SYDE1: variants seen among roughly 807,000 people sequenced by gnomAD.
SYDE1 encodes rho GTPase-activating protein SYDE1.
Under a neutral mutation model 63.3 loss-of-function variants are expected in SYDE1, and 34 were observed. The ratio of observed to expected loss-of-function variants is 0.54; its 90% CI spans 0.41 to 0.71. The LOEUF is 0.71. SYDE1 is among the 30% of genes least tolerant of loss of function. The pLI, the probability that SYDE1 is intolerant of heterozygous loss-of-function variation, is 0.00. For synonymous variants in SYDE1, 467 were observed against 473.4 expected (o/e 0.99, Z 0.18); for missense variants, 925 against 1,042.5 (o/e 0.89, Z 1.55).
At chr19:15,112,314 G>T in intron 6 of SYDE1, 32 bp from the exon 7 acceptor site, 1 of 1,501,026 alleles carries the variant, frequency 6.7e-7, no homozygotes. Flanking sequence ...GCCTGACTTT[G>T]TCTGACTTAC....
intron 7 of SYDE1, 40 bp from the exon 8 acceptor site, chr19:15,113,520 G>C: frequency 6.6e-7 from 1 of 1,506,200 alleles, no homozygotes; most frequent in Non-Finnish European, 8.8e-7. Context: ...TCAGAGGTCG[G>C]CTGTCGCCTC....
At position 15,114,924 on chromosome 19, in the gene SYDE1, CTT is replaced by C. The variant is rs888513553; in HGVS notation, c.*962_*963del. On this transcript the variant is annotated 3_prime_UTR_variant, in exon 8 of 8. Transcript: ENST00000342784. The stretch of plus-strand genomic sequence containing the variant: ...GAGTACGGTTCCCTCCTGTCTCCCT[CTT>C]CTTTTCCGCACCTCCATCTTTGTGG... 7.6e-6 allele frequency: 3 copies of C among 395,858 alleles called. No individual in the cohort carries two copies. The Admixed American group carries it at 1.1e-4, about 15-fold the overall frequency. The allele number at this position is 395,858 out of a possible 1,614,324, so 24.5% of individuals were successfully genotyped here.
At position 15,110,295 on chromosome 19, in the gene SYDE1, G is replaced by A; in HGVS notation, c.1022G>A (p.Arg341Lys). The change falls in exon 3 of 8, where the codon AGA becomes AAA. Residue 341 changes from arginine to lysine, a missense_variant. Physicochemically the swap from Arg to Lys is conservative, Grantham distance 26. This residue lies in a region of SYDE1 where 599 missense variants were observed against 653.7 expected (regional missense o/e 0.92). Transcript: ENST00000342784. The surrounding 1 kb of genome is among the most constrained non-coding windows in gnomAD (Gnocchi z 6.9). ...GTGCTTGCGTGGGACCCTGGCGTGA[G>A]AAGGCACCGGCCCTGTGCCCAGGGC... ...ALVLAWDPGV[R>K]RHRPCAQGTV... The A allele has an allele frequency of 1.4e-6, 2 of 1,418,960 alleles. No homozygotes were observed. Among genetic ancestry groups the A allele is most frequent in the Non-Finnish European group, 1.8e-6 (2 of 1,088,768 alleles). The allele number at this position is 1,418,960 out of a possible 1,614,324, so 87.9% of individuals were successfully genotyped here. A position where few individuals can be genotyped will look rare whatever the true frequency, so the allele number is the denominator to read the frequency against.
chr19:15,110,855 C>A lies in SYDE1; in HGVS notation c.1290+120C>A. The A allele has an allele frequency of 2.3e-6, 2 of 886,000 alleles. No homozygotes were observed. Among genetic ancestry groups the A allele is most frequent in the Non-Finnish European group, 3.3e-6 (2 of 600,068 alleles). The allele number at this position is 886,000 out of a possible 1,614,324, so 54.9% of individuals were successfully genotyped here. A position where few individuals can be genotyped will look rare whatever the true frequency, so the allele number is the denominator to read the frequency against. ...CCTGAGCCACTCCTAGCTCCAATCC[C>A]AACCTAGACAAGGGCAGAAGGCGCC... On this transcript the variant is annotated intron_variant, in intron 4 of 7. Coordinates refer to ENST00000342784, the MANE Select transcript of SYDE1 (RefSeq NM_033025.6). The surrounding 1 kb of genome is among the most constrained non-coding windows in gnomAD (Gnocchi z 6.9).
chr19:15,113,133 A>G, intron 7 of SYDE1, among the ~76,000 whole-genome samples: 1 of 152,100 alleles, frequency 6.6e-6, no homozygotes, highest in Non-Finnish European at 1.5e-5. Context: ...TGAACTCCTG[A>G]CCTCAAGTGA....
In SYDE1 at chr19:15,111,260, G is replaced by A; in HGVS notation, c.1291-53G>A. ...TCCAGTGCTCACCCCACTGGGCCCT[G>A]ATTAGTCTGTGGCCCCGGCAAGAAG... On this transcript the variant is annotated intron_variant, in intron 4 of 7. Coordinates refer to ENST00000342784, the MANE Select transcript of SYDE1 (RefSeq NM_033025.6). This position sits in a 1 kb window ranked among gnomAD's most constrained non-coding sequence, Gnocchi z 5.5. 3.7e-6 allele frequency: 6 copies of A among 1,604,676 alleles called. No homozygotes were observed. Among genetic ancestry groups the A allele is most frequent in the Non-Finnish European group, 5.1e-6 (6 of 1,173,322 alleles).
chr19:15,110,781 C>A lies in SYDE1; in HGVS notation c.1290+46C>A. On this transcript the variant is annotated intron_variant, in intron 4 of 7. Coordinates refer to ENST00000342784, the MANE Select transcript of SYDE1 (RefSeq NM_033025.6). The surrounding 1 kb of genome is among the most constrained non-coding windows in gnomAD (Gnocchi z 6.9). ...AACCCTCTGGCCCCCAGACCTCAGA[C>A]CACTCTTCAGGACACCCTATGTACA... The A allele has an allele frequency of 6.9e-7, 1 of 1,459,662 alleles. No homozygotes were observed. The highest frequency in any genetic ancestry group is 9.2e-7 in the Non-Finnish European group (1 of 1,089,364). The allele number at this position is 1,459,662 out of a possible 1,614,324, so 90.4% of individuals were successfully genotyped here.
chr19:15,114,948 G>A lies in SYDE1; in HGVS notation c.*985G>A, dbSNP rs2046376240. On this transcript the variant is annotated 3_prime_UTR_variant, in exon 8 of 8. Coordinates refer to ENST00000342784, the MANE Select transcript of SYDE1 (RefSeq NM_033025.6). ...TCTTCTTTTCCGCACCTCCATCTTT[G>A]TGGATAATAAATAAATATGCACAGG... is the stretch of plus-strand genomic sequence containing the variant. 1 of 454,866 alleles carries A rather than the reference G, an allele frequency of 2.2e-6. No individual in the cohort carries two copies. Among genetic ancestry groups the A allele is most frequent in the Admixed American group, 3.5e-5 (1 of 28,492 alleles). 28.2% of individuals were successfully genotyped at this position (454,866 alleles called of 1,614,324 possible). A position where few individuals can be genotyped will look rare whatever the true frequency, so the allele number is the denominator to read the frequency against.
Position 15,113,792 on chromosome 19 carries a change from G to T in SYDE1, c.2037G>T (p.Thr679=). ...FLSGPDYDHV[T]GSDSEDEDEE... ...CCGGGCCAGACTACGACCACGTGAC[G>T]GGCAGTGACAGCGAGGACGAGGACG... The change falls in exon 8 of 8, where the codon ACG becomes ACT. Residue 679 remains threonine, a synonymous_variant. Transcript: ENST00000342784. 1.2e-6 allele frequency: 2 copies of T among 1,614,166 alleles called. No homozygotes were observed. Among genetic ancestry groups the T allele is most frequent in the Non-Finnish European group, 1.7e-6 (2 of 1,180,058 alleles).
Position 15,109,343 on chromosome 19 carries a change from G to T in SYDE1, c.376G>T (p.Glu126Ter). 2 of 1,599,712 alleles carry T rather than the reference G, an allele frequency of 1.3e-6. No individual in the cohort carries two copies. Among genetic ancestry groups the T allele is most frequent in the Non-Finnish European group, 1.7e-6 (2 of 1,171,872 alleles). ...GGAAGACCCCAGACCTCCAGCACCT[G>T]AGCCCCCGGGGCCACAGCCTGGCTC... is the stretch of plus-strand genomic sequence containing the variant. The part of the protein sequence containing the change: ...PEEDPRPPAP[E>*]PPGPQPGSAE... The change falls in exon 2 of 8, where the codon GAG (glutamate) becomes TAG (stop). Residue 126 changes from glutamate to a stop codon, truncating the protein, a stop_gained. Transcript: ENST00000342784. LOFTEE classifies it high-confidence loss of function. This position sits in a 1 kb window ranked among gnomAD's most constrained non-coding sequence, Gnocchi z 5.0.
At chr19:15,107,646 TG>T in intron 1 of SYDE1, 125 bp downstream of exon 1, 1 of 312,286 alleles carries the variant, frequency 3.2e-6, no homozygotes, top group Non-Finnish European at 5.6e-6. Context: ...CGCTGCAGAC[TG>T]GGGTGCCTCC....
chr19:15,111,406 G>A lies in SYDE1; in HGVS notation c.1384G>A (p.Glu462Lys). Residue 462 changes from glutamate to lysine, a missense_variant, in exon 5 of 8, where the codon GAG becomes AAG. By Grantham distance (56) the Glu-to-Lys change is moderately conservative (BLOSUM62 1). Transcript: ENST00000342784. The surrounding 1 kb of genome is among the most constrained non-coding windows in gnomAD (Gnocchi z 5.5). The stretch of plus-strand genomic sequence containing the variant: ...GGACAGTGCAGCGGTCTGCCTATCT[G>A]AGGACCTGTACCCCGATATCAATGT... The part of the protein sequence containing the change: ...ERDSAAVCLS[E>K]DLYPDINVIT... 6.2e-7 allele frequency: 1 copy of A among 1,614,104 alleles called. No homozygotes were observed. Among genetic ancestry groups the A allele is most frequent in the Middle Eastern group, 1.7e-4 (1 of 6,060 alleles).
At position 15,110,471 on chromosome 19, in the gene SYDE1, G is replaced by A. The variant is rs914583311; in HGVS notation, c.1076-50G>A. ...TGTGGCCTGGAGCAGCGAGGCCAGG[G>A]TACATGAAGCTTCAGAGCACACCCG... On this transcript the variant is annotated intron_variant, in intron 3 of 7. Coordinates refer to ENST00000342784, the MANE Select transcript of SYDE1 (RefSeq NM_033025.6). The surrounding 1 kb of genome is among the most constrained non-coding windows in gnomAD (Gnocchi z 6.9). 3 of 1,522,664 alleles carry A rather than the reference G, an allele frequency of 2.0e-6. No homozygotes were observed. Among genetic ancestry groups the A allele is most frequent in the South Asian group, 2.4e-5 (2 of 83,248 alleles). 94.3% of individuals were successfully genotyped at this position (1,522,664 alleles called of 1,614,324 possible).
Position 15,113,969 on chromosome 19 carries a change from A to G in SYDE1, c.*6A>G. On this transcript the variant is annotated 3_prime_UTR_variant, in exon 8 of 8. Coordinates refer to ENST00000342784, the MANE Select transcript of SYDE1 (RefSeq NM_033025.6). ...AAATCAACGTGTGCCTCTGAGCCAG[A>G]TGACGGGGTGGGACCCCGGTTAGTA... 1 of 1,607,366 alleles carries G rather than the reference A, an allele frequency of 6.2e-7. No homozygotes were observed. The highest frequency in any genetic ancestry group is 8.5e-7 in the Non-Finnish European group (1 of 1,175,394).
At chr19:15,112,147 G>A (rs2046349332) in intron 6 of SYDE1, among the ~76,000 whole-genome samples, 199 bp from the exon 7 acceptor site, 1 of 152,176 alleles carries the variant, frequency 6.6e-6, no homozygotes, top group Admixed American at 6.5e-5. Flanking sequence ...CCAATGCTTA[G>A]TTGCCTTTGG....
Position 15,107,505 on chromosome 19 carries a change from G to A in SYDE1, c.72G>A (p.Ser24=), listed in dbSNP as rs1257153664. 1.9e-6 allele frequency: 3 copies of A among 1,544,674 alleles called. No individual in the cohort carries two copies. Among genetic ancestry groups the A allele is most frequent in the East Asian group, 2.5e-5 (1 of 40,778 alleles). ...GGGAGAAACTTCCCCGGAAAAAGTC[G>A]GACGCCAAGGAGCGCGGTAAGCGGA... ...RGREKLPRKK[S]DAKERGHPAQ... The change falls in exon 1 of 8, where the codon TCG becomes TCA. Residue 24 remains serine (S), a synonymous_variant. Coordinates refer to ENST00000342784, the MANE Select transcript of SYDE1 (RefSeq NM_033025.6).
intron 7 of SYDE1, 96 bp from the exon 8 acceptor site, chr19:15,113,464 C>A: frequency 7.0e-7 from 1 of 1,421,338 alleles, no homozygotes; most frequent in Non-Finnish European, 9.4e-7. Context: ...GGGTCGAAGG[C>A]CGCTTTCCAC....
At chr19:15,112,608 G>C in intron 7 of SYDE1, 37 bp downstream of exon 7, 1 of 1,499,884 alleles carries the variant, frequency 6.7e-7, no homozygotes, top group Non-Finnish European at 9.0e-7. Flanking sequence ...ACCAATCTGA[G>C]CCAGGCTGCT....
In SYDE1 at chr19:15,110,617, C is replaced by A; in HGVS notation, c.1172C>A (p.Ala391Asp). Residue 391 changes from alanine (A) to aspartate (D), a missense_variant, in exon 4 of 8, where the codon GCT (alanine) becomes GAT (aspartate). Around this residue, in one of 3 missense-constraint regions of SYDE1, gnomAD observed 599 missense variants for 653.7 expected, o/e 0.92. Transcript: ENST00000342784. This position sits in a 1 kb window ranked among gnomAD's most constrained non-coding sequence, Gnocchi z 6.9. ...GAGCAGCAGGAAGCCCCTGCCACAG[C>A]TGAGCCCCGCGTCTTTGGGCTGCCC... ...LSEQQEAPAT[A>D]EPRVFGLPLP... The A allele has an allele frequency of 6.3e-7, 1 of 1,593,552 alleles. No individual in the cohort carries two copies. The highest frequency in any genetic ancestry group is 1.1e-5 in the South Asian group (1 of 88,164).
Sources: gnomAD v4.1 joint callset for allele counts (sites outside exome capture counted in the v4.1 genomes callset) on GRCh38, gnomAD v4.1.1 for gene constraint, gnomAD v4.1.1 regional missense constraint, Gnocchi (gnomAD v3.1) non-coding constraint, MANE v1.5 for transcripts, NCBI Gene and HGNC (gene_info 2026-07-23, HGNC 2026-07-21) for gene names.